RBKS: variants seen among roughly 807,000 people sequenced by gnomAD.
The protein encoded by RBKS is ribokinase.
RBKS carries 33 observed loss-of-function variants against 33.9 expected under a neutral mutation model. That is an observed-to-expected ratio of 0.97 (90% CI 0.74 to 1.30). RBKS has a LOEUF of 1.30. Ranked by LOEUF, RBKS falls within the 50% of genes most tolerant of loss-of-function variation. The pLI is 0.00. For synonymous variants in RBKS, 125 were observed against 143.0 expected, an observed-to-expected ratio of 0.87 and a Z score of 0.90; for missense variants, 361 against 392.6, an observed-to-expected ratio of 0.92 and a Z score of 0.68.
At chr2:27,787,654 C>T (rs1677430293) in intron 7 of RBKS, among the ~76,000 whole-genome samples, 1 of 152,152 alleles carries the variant, frequency 6.6e-6, no homozygotes, top group South Asian at 2.1e-4. Context: ...GATGGCTTCG[C>T]TGGATAATCC....
At chr2:27,857,867 C>G (rs1663889877) in intron 2 of RBKS, among the ~76,000 whole-genome samples, 1 of 152,126 alleles carries the variant, frequency 6.6e-6, no homozygotes, top group South Asian at 2.1e-4. Context: ...CAATAAACTT[C>G]CACAAGAATT....
At chr2:27,850,621 A>G (rs899451074) in intron 2 of RBKS, among the ~76,000 whole-genome samples, 1 of 152,222 alleles carries the variant, frequency 6.6e-6, no homozygotes, top group African/African-American at 2.4e-5. Flanking sequence ...ATATGCAACT[A>G]AAGTTCCTCT....
At chr2:27,818,641 G>A (rs1022938794) in intron 7 of RBKS, among the ~76,000 whole-genome samples, 1 of 152,204 alleles carries the variant, frequency 6.6e-6, no homozygotes, top group African/African-American at 2.4e-5. Flanking sequence ...CTGAGAATGT[G>A]AAGTAATGCA....
At chr2:27,782,578 G>GT in intron 7 of RBKS, 1 of 463,696 alleles carries the variant, frequency 2.2e-6, no homozygotes, top group Non-Finnish European at 4.5e-6. Flanking sequence ...ACAGGCTGTG[G>GT]TTATGGTTTT....
chr2:27,832,470 G>A (rs1313190205), intron 6 of RBKS, among the ~76,000 whole-genome samples: 2 of 152,288 alleles, frequency 1.3e-5, no homozygotes, highest in Admixed American at 1.3e-4. Context: ...GGTTTGATAA[G>A]TGCCAGAATA....
intron 4 of RBKS, among the ~76,000 whole-genome samples, chr2:27,844,087 C>T (rs564113482): frequency 6.6e-6 from 1 of 152,012 alleles, no homozygotes; most frequent in South Asian, 2.1e-4. Flanking sequence ...TGGTGAAAAC[C>T]CATCTCTACT....
intron 7 of RBKS, among the ~76,000 whole-genome samples, chr2:27,789,949 GTATATATATA>G (rs35109548): frequency 2.5e-5 from 3 of 121,512 alleles, no homozygotes; most frequent in East Asian, 2.4e-4. Flanking sequence ...ATGTATATGT[GTATATATATA>G]TATATATATA....
At position 27,810,264 on chromosome 2, in the gene RBKS, G is replaced by A. The variant is rs181460715; in HGVS notation, c.795+17303C>T. ...CTGTGTTTCTACCAGGAATAAGCTAGTGTCTAAGGCACAGGTGGTAGGGCA... is the reference window on the plus strand; with the variant it reads ...CTGTGTTTCTACCAGGAATAAGCTAATGTCTAAGGCACAGGTGGTAGGGCA... On this transcript the variant is annotated intron_variant, in intron 7 of 7. Coordinates refer to ENST00000302188, the MANE Select transcript of RBKS (RefSeq NM_022128.3). The surrounding 1 kb of genome is among the most constrained non-coding windows in gnomAD (Gnocchi z 4.4). Among the ~76,000 whole-genome samples, 2 of 152,204 alleles carry A rather than the reference G, an allele frequency of 1.3e-5. No individual in the cohort carries two copies. Among genetic ancestry groups the A allele is most frequent in the African/African-American group, 4.8e-5 (2 of 41,438 alleles).
At chr2:27,865,658 C>A (rs1664086671) in intron 1 of RBKS, among the ~76,000 whole-genome samples, 1 of 149,776 alleles carries the variant, frequency 6.7e-6, no homozygotes, top group African/African-American at 2.5e-5. Context: ...AAGTGAGCCT[C>A]CTACCTTGGC....
At chr2:27,882,320 C>CA (rs1381082625) in intron 1 of RBKS, among the ~76,000 whole-genome samples, 3 of 151,826 alleles carry the variant, frequency 2.0e-5, no homozygotes, top group South Asian at 2.1e-4. Flanking sequence ...ATAAGCATAT[C>CA]AAAAAAAGCT....
rs56063622 is a variant in RBKS at position 27,801,464 on chromosome 2, T to TACACACACACAC, written c.796-19688_796-19677dup. Among the ~76,000 whole-genome samples, 317 of 136,316 alleles carry TACACACACACAC rather than the reference T, an allele frequency of 2.3e-3. 3 individuals carry two copies. The highest frequency in any genetic ancestry group is 0.011 in the Middle Eastern group (3 of 270). 89.4% of individuals were successfully genotyped at this position (136,316 alleles called of 152,430 possible). On this transcript the variant is annotated intron_variant, in intron 7 of 7. Transcript: ENST00000302188. ...AAATGCTCTCCAAAGGGCCACAGTA[T>TACACACACACAC]ACACACACACACACACACACACACA...
chr2:27,885,495 C>T (rs1664509874), intron 1 of RBKS, among the ~76,000 whole-genome samples: 1 of 152,114 alleles, frequency 6.6e-6, no homozygotes, highest in South Asian at 2.1e-4. Context: ...TCTTCTTCAT[C>T]CATACTGGAC....
At chr2:27,790,186 G>A (rs1175651459) in intron 7 of RBKS, among the ~76,000 whole-genome samples, 3 of 151,736 alleles carry the variant, frequency 2.0e-5, no homozygotes, top group Non-Finnish European at 2.9e-5. Flanking sequence ...TTAGGGAAAC[G>A]CAACCTGTAC....
intron 1 of RBKS, 44 bp from the exon 2 acceptor site, chr2:27,858,615 G>C (rs745860344): frequency 3.8e-6 from 6 of 1,572,578 alleles, no homozygotes. Flanking sequence ...ATTGGTAACT[G>C]TAATCAATTT....
rs1401685508 is a variant in RBKS, at chr2:27,781,526, G to A, written c.*89C>T. 15 of 1,011,824 alleles carry A rather than the reference G, an allele frequency of 1.5e-5. No homozygotes were observed. The highest frequency in any genetic ancestry group is 2.1e-5 in the Non-Finnish European group (15 of 698,084). 62.7% of individuals were successfully genotyped at this position (1,011,824 alleles called of 1,614,324 possible). ...ACTAATATTTGCAAAGAAAGGGGAC[G>A]AGGACATTTTCTAATAAGCATTAGC... is the stretch of plus-strand genomic sequence containing the variant. On this transcript the variant is annotated 3_prime_UTR_variant, in exon 8 of 8. Coordinates refer to ENST00000302188, the MANE Select transcript of RBKS (RefSeq NM_022128.3).
intron 1 of RBKS, among the ~76,000 whole-genome samples, chr2:27,889,493 C>T (rs1217959061): frequency 6.6e-6 from 1 of 152,054 alleles, no homozygotes; most frequent in East Asian, 1.9e-4. Context: ...TTACAGTGAA[C>T]ATACATTACT....
intron 4 of RBKS, among the ~76,000 whole-genome samples, 174 bp from the exon 5 acceptor site, chr2:27,843,405 T>A (rs990470954): frequency 3.9e-5 from 6 of 152,234 alleles, no homozygotes; most frequent in Admixed American, 1.3e-4. Context: ...AAATGTATCT[T>A]TTATAATATC....
At chr2:27,886,532 A>C (rs1664531857) in intron 1 of RBKS, among the ~76,000 whole-genome samples, 1 of 152,166 alleles carries the variant, frequency 6.6e-6, no homozygotes, top group Non-Finnish European at 1.5e-5. Context: ...GTAGATGAAA[A>C]GGGCAATAAA....
At chr2:27,835,914 T>G (rs1053946102) in intron 5 of RBKS, among the ~76,000 whole-genome samples, 1 of 152,020 alleles carries the variant, frequency 6.6e-6, no homozygotes, top group African/African-American at 2.4e-5. Context: ...AAGACATTAC[T>G]CTTAAAACAC....
Sources: gnomAD v4.1 joint callset for allele counts (sites outside exome capture counted in the v4.1 genomes callset) on GRCh38, gnomAD v4.1.1 for gene constraint, Gnocchi (gnomAD v3.1) non-coding constraint, MANE v1.5 for transcripts, NCBI Gene and HGNC (gene_info 2026-07-23, HGNC 2026-07-21) for gene names.